PARD3: variants seen among roughly 807,000 people sequenced by gnomAD.
The protein encoded by PARD3 is par-3 family cell polarity regulator.
PARD3 carries 75 observed loss-of-function variants against 155.4 expected under a neutral mutation model. That is an observed-to-expected ratio of 0.48 (90% CI 0.40 to 0.58). The LOEUF (loss-of-function observed/expected upper bound fraction) is 0.58. Among genes scored for constraint, PARD3 ranks in the 20% least tolerant of loss-of-function variants. The pLI is 0.00. For missense variants in PARD3, 1,642 were observed against 1,721.7 expected, an observed-to-expected ratio of 0.95 and a Z score of 0.82; for synonymous variants, 576 against 610.5, an observed-to-expected ratio of 0.94 and a Z score of 0.83.
rs535701725 is a variant in PARD3, at chr10:34,552,200, A to C, written c.223-35041T>G. Among the ~76,000 whole-genome samples, 36 of 152,216 alleles carry C rather than the reference A, an allele frequency of 2.4e-4. 1 individual carries two copies. The highest frequency in any genetic ancestry group is 7.9e-4 in the African/African-American group (33 of 41,528). On this transcript the variant is annotated intron_variant, in intron 2 of 24. Coordinates refer to ENST00000374788, the MANE Select transcript of PARD3 (RefSeq NM_001184785.2). Reference sequence around the variant, plus strand: ...ATCACAGCACTGCAGCCTCAAACTTAGGGCTGTAGCAATCCTCCTGCCTCA... The same window carrying C: ...ATCACAGCACTGCAGCCTCAAACTTCGGGCTGTAGCAATCCTCCTGCCTCA...
chr10:34,353,712 TAAATAAATAAATAAAA>T (rs1321678006), intron 14 of PARD3, among the ~76,000 whole-genome samples: 14 of 101,938 alleles, frequency 1.4e-4, no homozygotes, highest in East Asian at 9.6e-4. Context: ...GAATGATCAA[TAAATAAATAAATAAAA>T]AAATAAATAA....
intron 9 of PARD3, among the ~76,000 whole-genome samples, chr10:34,381,446 T>C (rs556848749): frequency 1.3e-5 from 2 of 152,320 alleles, no homozygotes; most frequent in African/African-American, 4.8e-5. Flanking sequence ...TCTTGGTGCC[T>C]GGACGAAACA....
At chr10:34,581,229 C>CT (rs1564376327) in intron 2 of PARD3, among the ~76,000 whole-genome samples, 2 of 95,144 alleles carry the variant, frequency 2.1e-5, no homozygotes, top group African/African-American at 4.5e-5. Flanking sequence ...TTTTCTTTTT[C>CT]TTTTCTTTTT....
intron 20 of PARD3, among the ~76,000 whole-genome samples, chr10:34,294,217 T>C (rs565305802): frequency 6.6e-6 from 1 of 152,354 alleles, no homozygotes; most frequent in African/African-American, 2.4e-5. Flanking sequence ...AAGGATATCT[T>C]TGTTTGAGTT....
chr10:34,812,354 T>C (rs1588875844), intron 1 of PARD3, among the ~76,000 whole-genome samples: 1 of 152,192 alleles, frequency 6.6e-6, no homozygotes, highest in African/African-American at 2.4e-5. Context: ...ACATGTCACC[T>C]AGCAACCTAA....
rs16935460 is a variant in PARD3, at chr10:34,498,223, G to C, written c.403+18756C>G. ...TAAGAAGCAGTCAGATGTAGAAAGA[G>C]ACACTTCAGTATTTCTCAGCTTCAT... On this transcript the variant is annotated intron_variant, in intron 3 of 24. Transcript: ENST00000374788. Among the ~76,000 whole-genome samples, 1,322 of 152,126 alleles carry C rather than the reference G, an allele frequency of 8.7e-3. 12 individuals are homozygous for C. The highest frequency in any genetic ancestry group is 0.025 in the African/African-American group (1,051 of 41,412).
At position 34,688,272 on chromosome 10, in the gene PARD3, T is replaced by C. The variant is rs1167592049; in HGVS notation, c.222+8046A>G. On this transcript the variant is annotated intron_variant, in intron 2 of 24. Transcript: ENST00000374788. ...GAAAAATTATCCACATTTCTAAATT[T>C]GCTGTACTACCCACAGGGAATAAAC... Among the ~76,000 whole-genome samples the C allele has an allele frequency of 2.0e-5, 3 of 152,222 alleles. No individual in the cohort carries two copies. The East Asian group carries it at 5.8e-4, about 29-fold the overall frequency.
intron 3 of PARD3, among the ~76,000 whole-genome samples, chr10:34,514,308 T>C (rs1471604429): frequency 6.6e-6 from 1 of 152,212 alleles, no homozygotes; most frequent in African/African-American, 2.4e-5. Context: ...GCTTCTTTCT[T>C]TTCATATCTG....
intron 2 of PARD3, among the ~76,000 whole-genome samples, chr10:34,604,778 G>A (rs947144053): frequency 4.6e-5 from 7 of 151,730 alleles, no homozygotes; most frequent in South Asian, 4.2e-4. Context: ...TACTGAATGC[G>A]AATATACGGC....
intron 14 of PARD3, among the ~76,000 whole-genome samples, chr10:34,355,233 G>A (rs753895587): frequency 6.6e-6 from 1 of 152,148 alleles, no homozygotes; most frequent in Non-Finnish European, 1.5e-5. Context: ...GGAGACAGGT[G>A]GCAGGATTGC....
intron 5 of PARD3, among the ~76,000 whole-genome samples, chr10:34,415,264 A>G (rs765019555): frequency 6.6e-6 from 1 of 152,172 alleles, no homozygotes; most frequent in Non-Finnish European, 1.5e-5. Context: ...GGCAACCAAT[A>G]TAGTGTCACT....
At chr10:34,468,608 T>G (rs2078156167) in intron 4 of PARD3, among the ~76,000 whole-genome samples, 1 of 152,202 alleles carries the variant, frequency 6.6e-6, no homozygotes, top group African/African-American at 2.4e-5. Flanking sequence ...TGAGAAGATC[T>G]TCCAATATGG....
At chr10:34,405,718 A>G (rs1173986809) in intron 5 of PARD3, among the ~76,000 whole-genome samples, 3 of 152,164 alleles carry the variant, frequency 2.0e-5, no homozygotes, top group Non-Finnish European at 1.5e-5. Flanking sequence ...GGTCACAGAC[A>G]AAGAACTATT....
intron 1 of PARD3, 78 bp downstream of exon 1, chr10:34,814,798 C>T: frequency 2.4e-6 from 3 of 1,245,710 alleles, no homozygotes; most frequent in Non-Finnish European, 3.3e-6. Flanking sequence ...CTCTCCTCCC[C>T]CTTCCAGGAA....
intron 22 of PARD3, among the ~76,000 whole-genome samples, chr10:34,224,329 T>C (rs1020444601): frequency 2.0e-5 from 3 of 152,186 alleles, no homozygotes; most frequent in African/African-American, 7.2e-5. Flanking sequence ...CAGAGGTACA[T>C]GGGGGAATTA....
rs559351725 is a variant in PARD3, at chr10:34,305,403, G to C, written c.3065+11704C>G. On this transcript the variant is annotated intron_variant, in intron 20 of 24. Transcript: ENST00000374788. The stretch of plus-strand genomic sequence containing the variant: ...GCCCATGGCTGGGGCCTTCAGAAGG[G>C]AGGCCTTCCACCTGCTCATTTGCTC... Among the ~76,000 whole-genome samples the C allele has an allele frequency of 2.0e-5, 3 of 152,360 alleles. No individual in the cohort carries two copies. In the South Asian group the frequency reaches 6.2e-4, roughly 32 times the overall value.
intron 2 of PARD3, among the ~76,000 whole-genome samples, chr10:34,665,449 G>A (rs2093427168): frequency 6.6e-6 from 1 of 152,128 alleles, no homozygotes; most frequent in East Asian, 1.9e-4. Flanking sequence ...GAACCTGGGA[G>A]GTAGAGGTTG....
chr10:34,331,741 CT>C (rs1835639918), intron 18 of PARD3, among the ~76,000 whole-genome samples: 1 of 143,298 alleles, frequency 7.0e-6, no homozygotes, highest in South Asian at 2.3e-4. Context: ...AAGCTTTGCA[CT>C]TAATTAAAAC....
chr10:34,218,472 A>G (rs1248915325), intron 22 of PARD3, among the ~76,000 whole-genome samples: 1 of 151,750 alleles, frequency 6.6e-6, no homozygotes, highest in Non-Finnish European at 1.5e-5. Flanking sequence ...GCTTCTAACC[A>G]CTCCGTCCCC....
Sources: gnomAD v4.1 joint callset for allele counts (sites outside exome capture counted in the v4.1 genomes callset) on GRCh38, gnomAD v4.1.1 for gene constraint, MANE v1.5 for transcripts, NCBI Gene and HGNC (gene_info 2026-07-23, HGNC 2026-07-21) for gene names.